EPHA7: variants seen among roughly 807,000 people sequenced by gnomAD.
EPHA7 encodes ephrin type-A receptor 7.
A neutral mutation model predicts 112.6 loss-of-function variants in EPHA7; 25 were observed. That is an observed-to-expected ratio of 0.22 (90% CI 0.16 to 0.31). The LOEUF is 0.31. Among genes scored for constraint, EPHA7 ranks in the 10% least tolerant of loss-of-function variants. The probability of loss-of-function intolerance (pLI) is 1.00; values close to 1 mark genes in which losing one functional copy is unlikely to be tolerated. For missense variants in EPHA7, 962 were observed against 1,212.6 expected (o/e 0.79, Z 3.07); for synonymous variants, 437 against 406.5 (o/e 1.07, Z -0.90).
chr6:93,365,885 G>A (rs1374241183), intron 3 of EPHA7, among the ~76,000 whole-genome samples: 1 of 152,098 alleles, frequency 6.6e-6, no homozygotes, highest in Non-Finnish European at 1.5e-5. Flanking sequence ...ATTAATTTGT[G>A]TTATTTAATT....
intron 3 of EPHA7, among the ~76,000 whole-genome samples, chr6:93,402,439 G>C (rs1251661406): frequency 1.3e-5 from 2 of 152,008 alleles, no homozygotes; most frequent in South Asian, 4.1e-4. Context: ...AATAACAATA[G>C]TTGTACCTGG....
intron 5 of EPHA7, among the ~76,000 whole-genome samples, chr6:93,334,650 AAAG>A (rs1205012857): frequency 1.4e-4 from 21 of 152,106 alleles, no homozygotes; most frequent in African/African-American, 5.1e-4. Context: ...AAATATCTCC[AAAG>A]AAGCACATTA....
chr6:93,287,489 A>C (rs184604563), intron 5 of EPHA7, among the ~76,000 whole-genome samples: 88 of 149,044 alleles, frequency 5.9e-4, no homozygotes, highest in Non-Finnish European at 1.0e-3. Flanking sequence ...CTTTTGTGGC[A>C]CATTCTCTTC....
At chr6:93,348,721 A>T in intron 5 of EPHA7, among the ~76,000 whole-genome samples, 1 of 151,906 alleles carries the variant, frequency 6.6e-6, no homozygotes, top group East Asian at 1.9e-4. Context: ...TATCATTTGA[A>T]TTAAATTAAT....
intron 1 of EPHA7, 39 bp downstream of exon 1, chr6:93,419,206 A>T (rs750348327): frequency 6.4e-7 from 1 of 1,558,254 alleles, no homozygotes; most frequent in African/African-American, 1.4e-5. Context: ...ACATCTAAAT[A>T]AATAAGTCAG....
Position 93,419,347 on chromosome 6 carries a change from A to C in EPHA7, c.-6T>G, listed in dbSNP as rs1167853891. The C allele has an allele frequency of 1.2e-6, 2 of 1,608,100 alleles. No individual in the cohort carries two copies. The highest frequency in any genetic ancestry group is 2.7e-5 in the African/African-American group (2 of 74,852). ...TACCGAGTTTGAAAAACCATGGTGCATGAGCAGGTTTTATTTTAGGTTTCA... is the reference window on the plus strand; with the variant it reads ...TACCGAGTTTGAAAAACCATGGTGCCTGAGCAGGTTTTATTTTAGGTTTCA... On this transcript the variant is annotated 5_prime_UTR_variant, in exon 1 of 17. The change abolishes an upstream ATG in the 5' untranslated region. Transcript: ENST00000369303.
intron 5 of EPHA7, among the ~76,000 whole-genome samples, chr6:93,309,774 C>T (rs889468773): frequency 3.3e-5 from 5 of 152,040 alleles, no homozygotes; most frequent in African/African-American, 7.2e-5. Context: ...CAGAGACTAG[C>T]AAGTAAAAGC....
At chr6:93,320,834 G>A (rs1380694730) in intron 5 of EPHA7, among the ~76,000 whole-genome samples, 1 of 151,898 alleles carries the variant, frequency 6.6e-6, no homozygotes, top group East Asian at 1.9e-4. Context: ...TCCTGAGGCA[G>A]CATTAAAATG....
intron 5 of EPHA7, among the ~76,000 whole-genome samples, chr6:93,302,176 A>T (rs934782722): frequency 6.6e-6 from 1 of 152,142 alleles, no homozygotes; most frequent in African/African-American, 2.4e-5. Context: ...GCTTATGTCA[A>T]CTGATTATGT....
chr6:93,305,624 T>G (rs896673042), intron 5 of EPHA7, among the ~76,000 whole-genome samples: 8 of 151,914 alleles, frequency 5.3e-5, no homozygotes, highest in African/African-American at 1.7e-4. Flanking sequence ...TCAATAAAAT[T>G]TAATGTTTAT....
intron 5 of EPHA7, among the ~76,000 whole-genome samples, chr6:93,309,548 T>A (rs1031764480): frequency 6.6e-6 from 1 of 152,126 alleles, no homozygotes; most frequent in Non-Finnish European, 1.5e-5. Flanking sequence ...GCAAAAAGTA[T>A]CTGTTGCCCA....
intron 13 of EPHA7, among the ~76,000 whole-genome samples, 184 bp from the exon 14 acceptor site, chr6:93,254,980 A>G (rs1334204396): frequency 1.3e-5 from 2 of 152,134 alleles, no homozygotes; most frequent in East Asian, 3.9e-4. Context: ...TACAAGTTTC[A>G]TCATTTCAAG....
chr6:93,244,781 A>G (rs539006316), intron 16 of EPHA7, among the ~76,000 whole-genome samples: 3 of 152,202 alleles, frequency 2.0e-5, no homozygotes, highest in Non-Finnish European at 4.4e-5. Flanking sequence ...TCTCTTCAGA[A>G]ATAATCATAT....
intron 5 of EPHA7, among the ~76,000 whole-genome samples, chr6:93,310,111 A>C (rs886993182): frequency 6.6e-6 from 1 of 152,196 alleles, no homozygotes; most frequent in Non-Finnish European, 1.5e-5. Flanking sequence ...AATAAAAATG[A>C]ATTATTTAAA....
intron 5 of EPHA7, among the ~76,000 whole-genome samples, chr6:93,306,799 A>G (rs1193005824): frequency 6.6e-6 from 1 of 152,014 alleles, no homozygotes; most frequent in Admixed American, 6.6e-5. Flanking sequence ...TCACTATGCT[A>G]CAATTTGAAC....
Position 93,419,148 on chromosome 6 carries a change from C to G in EPHA7, c.97+97G>C, listed in dbSNP as rs983538388. On this transcript the variant is annotated intron_variant, in intron 1 of 16. Transcript: ENST00000369303. ...CCGGCGGGGGAGGGTCGCCCGGCGC[C>G]GGAGGCGCGGCCGGCAGCGCCGCGG... 35 of 999,288 alleles carry G rather than the reference C, an allele frequency of 3.5e-5. No homozygotes were observed. The African/African-American group carries it at 5.0e-4, about 14-fold the overall frequency. The allele number at this position is 999,288 out of a possible 1,614,324, so 61.9% of individuals were successfully genotyped here.
intron 5 of EPHA7, among the ~76,000 whole-genome samples, chr6:93,345,885 T>C (rs1775381631): frequency 6.6e-6 from 1 of 151,620 alleles, no homozygotes; most frequent in Non-Finnish European, 1.5e-5. Flanking sequence ...TTCCACCAGA[T>C]TGCTTGTCTG....
At chr6:93,388,792 G>A (rs1777758855) in intron 3 of EPHA7, among the ~76,000 whole-genome samples, 1 of 151,950 alleles carries the variant, frequency 6.6e-6, no homozygotes, top group South Asian at 2.1e-4. Context: ...ATTAGGTGAT[G>A]CATAAAAAGA....
chr6:93,342,459 A>G (rs1381559728), intron 5 of EPHA7, among the ~76,000 whole-genome samples: 1 of 151,858 alleles, frequency 6.6e-6, no homozygotes, highest in Admixed American at 6.6e-5. Flanking sequence ...GGAGATTGCA[A>G]CCATAAAAAA....
Sources: allele counts gnomAD v4.1 joint callset (sites outside exome capture counted in the v4.1 genomes callset), GRCh38; gene constraint gnomAD v4.1.1; transcripts MANE v1.5; gene names NCBI Gene and HGNC (gene_info 2026-07-23, HGNC 2026-07-21).